ZMAT4: variants seen among roughly 807,000 people sequenced by gnomAD.
ZMAT4 encodes zinc finger matrin-type protein 4.
Under a neutral mutation model 28.7 loss-of-function variants are expected in ZMAT4, and 17 were observed. The ratio of observed to expected loss-of-function variants is 0.59; its 90% confidence interval spans 0.41 to 0.89. The LOEUF (loss-of-function observed/expected upper bound fraction) is 0.89, where lower values mean the gene tolerates loss of function less well. Among genes scored for constraint, ZMAT4 ranks in the 40% least tolerant of loss-of-function variants. ZMAT4 has a pLI of 0.00. For missense variants in ZMAT4, 240 were observed against 283.8 expected (o/e 0.85, Z 1.11); for synonymous variants, 117 against 109.2 (o/e 1.07, Z -0.44).
At chr8:40,827,152 T>C (rs1816089771) in intron 1 of ZMAT4, among the ~76,000 whole-genome samples, 1 of 152,154 alleles carries the variant, frequency 6.6e-6, no homozygotes, top group South Asian at 2.1e-4. Context: ...GCTAGATCCA[T>C]CCTAGGTCTG....
intron 5 of ZMAT4, among the ~76,000 whole-genome samples, chr8:40,598,682 C>T (rs7387079): frequency 0.072 from 10,935 of 152,064 alleles, 871 homozygotes; most frequent in East Asian, 0.46. Context: ...ATACGTTGCA[C>T]AATGTATATT....
rs1804551217 is a variant in ZMAT4 at position 40,583,221 on chromosome 8, C to A, written c.578-1960G>T. On this transcript the variant is annotated intron_variant, in intron 5 of 6. Transcript: ENST00000297737. ...GTAGATTGGACTCTGTCATCACCTG[C>A]AAGATCCAAATGGCTAGAGACTGTG... Among the ~76,000 whole-genome samples, 2 of 152,138 alleles carry A rather than the reference C, an allele frequency of 1.3e-5. 1 individual carries two copies. The highest frequency in any genetic ancestry group is 4.1e-4 in the South Asian group (2 of 4,834).
chr8:40,580,053 C>T (rs1804404408), intron 6 of ZMAT4, among the ~76,000 whole-genome samples: 1 of 144,310 alleles, frequency 6.9e-6, no homozygotes. Context: ...TGCTTTGTCA[C>T]CCAGGCTGGA....
chr8:40,630,238 T>C (rs1806525979), intron 5 of ZMAT4, among the ~76,000 whole-genome samples: 1 of 152,200 alleles, frequency 6.6e-6, no homozygotes, highest in Admixed American at 6.5e-5. Context: ...AAATCCACAG[T>C]ACTTTTATTT....
intron 5 of ZMAT4, among the ~76,000 whole-genome samples, chr8:40,601,650 A>AGGGGG (rs2118621043): frequency 2.5e-5 from 1 of 39,690 alleles, no homozygotes; most frequent in East Asian, 1.1e-3. Context: ...GAAAGAAAGA[A>AGGGGG]AGAAAGAAAG....
intron 6 of ZMAT4, among the ~76,000 whole-genome samples, chr8:40,549,293 G>C (rs1803295510): frequency 6.6e-6 from 1 of 152,100 alleles, no homozygotes; most frequent in Admixed American, 6.6e-5. Context: ...AGCTAGAACA[G>C]ACTAAGACAC....
At chr8:40,642,746 C>T (rs1807098800) in intron 5 of ZMAT4, among the ~76,000 whole-genome samples, 1 of 152,160 alleles carries the variant, frequency 6.6e-6, no homozygotes, top group Admixed American at 6.5e-5. Flanking sequence ...GGAATGTGTA[C>T]AATATACTAC....
intron 5 of ZMAT4, among the ~76,000 whole-genome samples, chr8:40,583,754 T>C (rs2589935): frequency 0.31 from 47,253 of 151,964 alleles, 7,920 homozygotes; most frequent in South Asian, 0.41. Flanking sequence ...ATGTACCTTG[T>C]TTGGTTTGGT....
intron 3 of ZMAT4, among the ~76,000 whole-genome samples, chr8:40,714,069 T>C (rs1810746498): frequency 6.6e-6 from 1 of 152,124 alleles, no homozygotes; most frequent in African/African-American, 2.4e-5. Flanking sequence ...TTTTTACTCA[T>C]AAAAATTGGA....
At chr8:40,567,191 T>C (rs1304915199) in intron 6 of ZMAT4, among the ~76,000 whole-genome samples, 1 of 152,134 alleles carries the variant, frequency 6.6e-6, no homozygotes, top group Non-Finnish European at 1.5e-5. Context: ...CACCAACATT[T>C]CTGAAAGCGA....
At chr8:40,693,291 T>A (rs1809734805) in intron 4 of ZMAT4, among the ~76,000 whole-genome samples, 1 of 152,042 alleles carries the variant, frequency 6.6e-6, no homozygotes, top group African/African-American at 2.4e-5. Flanking sequence ...TAATTTTTAT[T>A]TTTTTGTAGG....
chr8:40,818,179 T>A (rs1815617577), intron 2 of ZMAT4, among the ~76,000 whole-genome samples: 1 of 152,240 alleles, frequency 6.6e-6, no homozygotes, highest in Non-Finnish European at 1.5e-5. Context: ...TACCAGCAAT[T>A]CACTTTGTGT....
At chr8:40,844,146 T>G (rs191508537) in intron 1 of ZMAT4, among the ~76,000 whole-genome samples, 13 of 152,236 alleles carry the variant, frequency 8.5e-5, no homozygotes, top group Admixed American at 8.5e-4. Context: ...TGTTTTTTTC[T>G]AAAGAAAGGA....
At chr8:40,605,472 C>T (rs1036980926) in intron 5 of ZMAT4, among the ~76,000 whole-genome samples, 1 of 152,090 alleles carries the variant, frequency 6.6e-6, no homozygotes, top group African/African-American at 2.4e-5. Flanking sequence ...ATTTAATTTT[C>T]ATGTATTTGT....
rs976386962 is a variant in ZMAT4 at position 40,669,640 on chromosome 8, G to A, written c.577+5064C>T. 1.6e-4 allele frequency among the ~76,000 whole-genome samples: 24 copies of A among 151,968 alleles called. 1 individual carries two copies. The highest frequency in any genetic ancestry group is 1.2e-3 in the Admixed American group (19 of 15,242). The stretch of plus-strand genomic sequence containing the variant: ...AACATTTTATTTATGTTACTTTATT[G>A]TAAAATTACAGTATAAAGTATGTAT... On this transcript the variant is annotated intron_variant, in intron 5 of 6. Transcript: ENST00000297737.
intron 5 of ZMAT4, among the ~76,000 whole-genome samples, chr8:40,588,588 C>G (rs1223904337): frequency 6.6e-6 from 1 of 151,996 alleles, no homozygotes; most frequent in Non-Finnish European, 1.5e-5. Flanking sequence ...ATTGCATACC[C>G]ACCATGAATG....
chr8:40,804,976 C>T (rs1815015263), intron 2 of ZMAT4, among the ~76,000 whole-genome samples: 1 of 151,418 alleles, frequency 6.6e-6, no homozygotes, highest in African/African-American at 2.4e-5. Context: ...AGAGCTTCTG[C>T]ACAGCAAAAC....
chr8:40,659,453 A>G (rs1808087619), intron 5 of ZMAT4, among the ~76,000 whole-genome samples: 1 of 152,164 alleles, frequency 6.6e-6, no homozygotes, highest in Non-Finnish European at 1.5e-5. Context: ...TTTGCTATGA[A>G]CATATAGCTG....
chr8:40,668,454 G>A (rs1808528711), intron 5 of ZMAT4, among the ~76,000 whole-genome samples: 1 of 112,878 alleles, frequency 8.9e-6, no homozygotes, highest in East Asian at 2.6e-4. Context: ...TGGTGACAGA[G>A]CAAGACTTTG....
Sources: allele counts gnomAD v4.1 joint callset (sites outside exome capture counted in the v4.1 genomes callset), GRCh38; gene constraint gnomAD v4.1.1; transcripts MANE v1.5; gene names NCBI Gene and HGNC (gene_info 2026-07-23, HGNC 2026-07-21).